The following TLN2 variants were observed in gnomAD, a reference collection of about 807,000 sequenced individuals.
TLN2 encodes the protein talin 2, also known as talin-2.
A neutral mutation model predicts 294.7 loss-of-function variants in TLN2; 118 were observed. That is an observed-to-expected ratio of 0.40 (90% CI 0.34 to 0.47). The LOEUF (loss-of-function observed/expected upper bound fraction) is 0.47. Ranked by LOEUF, TLN2 falls within the 20% of genes least tolerant of loss-of-function variation. The pLI is 0.84. For synonymous variants in TLN2, 1,431 were observed against 1,304.5 expected (o/e 1.10, Z -2.09); for missense variants, 3,083 against 3,282.2 (o/e 0.94, Z 1.48).
chr15:62,658,407 A>G (rs752630811), intron 9 of TLN2, among the ~76,000 whole-genome samples: 3 of 152,192 alleles, frequency 2.0e-5, no homozygotes, highest in African/African-American at 4.8e-5. Flanking sequence ...GGTGGAAAGT[A>G]GTTGGGACCA....
intron 1 of TLN2, chr15:62,453,652 T>C (rs1407449038): frequency 6.6e-6 from 1 of 152,198 alleles, no homozygotes; most frequent in African/African-American, 2.4e-5. Flanking sequence ...CAGTCAGCTG[T>C]CCTCGAATTT....
At chr15:62,668,018 A>G (rs567688392) in intron 9 of TLN2, among the ~76,000 whole-genome samples, 1 of 152,290 alleles carries the variant, frequency 6.6e-6, no homozygotes, top group East Asian at 1.9e-4. Flanking sequence ...GAACTCAAAT[A>G]CATAGAAACG....
intron 1 of TLN2, among the ~76,000 whole-genome samples, chr15:62,499,791 C>T (rs945200726): frequency 2.0e-5 from 3 of 152,018 alleles, no homozygotes; most frequent in Non-Finnish European, 2.9e-5. Flanking sequence ...TTAGTAGAGA[C>T]GGAGTTTCTC....
chr15:62,576,053 G>T (rs1398943573), intron 1 of TLN2, among the ~76,000 whole-genome samples: 1 of 152,114 alleles, frequency 6.6e-6, no homozygotes, highest in Admixed American at 6.5e-5. Context: ...GGGGTCTGTG[G>T]GGTGATTATG....
intron 9 of TLN2, among the ~76,000 whole-genome samples, chr15:62,663,510 TATCTACATAGATAA>T (rs1167878268): frequency 1.3e-5 from 2 of 151,832 alleles, no homozygotes; most frequent in African/African-American, 2.4e-5. Context: ...GTGATAGGAT[TATCTACATAGATAA>T]TCAGTCAGTC....
intron 9 of TLN2, among the ~76,000 whole-genome samples, chr15:62,661,805 CTGGAGCAGCTACAT>C (rs1314648368): frequency 6.6e-6 from 1 of 151,986 alleles, no homozygotes; most frequent in East Asian, 1.9e-4. Context: ...AATGTAGCTG[CTGGAGCAGCTACAT>C]TTGGTGTTAC....
intron 1 of TLN2, among the ~76,000 whole-genome samples, chr15:62,410,551 T>G (rs1368336829): frequency 1.3e-5 from 2 of 152,246 alleles, no homozygotes; most frequent in African/African-American, 4.8e-5. Flanking sequence ...GAAGCATGTA[T>G]TCCCTCAAGG....
intron 1 of TLN2, among the ~76,000 whole-genome samples, chr15:62,435,700 C>T (rs549838635): frequency 9.2e-5 from 14 of 152,256 alleles, no homozygotes; most frequent in African/African-American, 3.4e-4. Flanking sequence ...TACCACCTTG[C>T]CTGGCTAATT....
intron 1 of TLN2, among the ~76,000 whole-genome samples, chr15:62,429,396 A>G (rs1019329606): frequency 1.3e-5 from 2 of 152,124 alleles, no homozygotes; most frequent in Admixed American, 6.6e-5. Flanking sequence ...TGAAAAGCAC[A>G]TGTGTTAAGA....
Position 62,711,929 on chromosome 15 carries a change from C to T in TLN2, c.2486C>T (p.Ala829Val), listed in dbSNP as rs1361636682. The change falls in exon 22 of 59, where the codon GCG becomes GTG. Residue 829 changes from alanine to valine, a missense_variant. By Grantham distance (64) the Ala-to-Val change is moderately conservative. Coordinates refer to ENST00000636159, the MANE Select transcript of TLN2 (RefSeq NM_015059.3). ...MGDAGEMVRQARVLAQATSDL... is the reference protein window; with the variant it reads ...MGDAGEMVRQVRVLAQATSDL... ...CTTCTAGGTGAAATGGTGCGCCAGG[C>T]GCGGGTTCTGGCCCAAGCCACATCA... 1.2e-6 allele frequency: 2 copies of T among 1,608,828 alleles called. No homozygotes were observed. Among genetic ancestry groups the T allele is most frequent in the Non-Finnish European group, 1.7e-6 (2 of 1,175,866 alleles).
intron 1 of TLN2, among the ~76,000 whole-genome samples, chr15:62,458,825 G>C (rs2036632443): frequency 6.6e-6 from 1 of 151,920 alleles, no homozygotes; most frequent in Non-Finnish European, 1.5e-5. Flanking sequence ...GACTCTCCTT[G>C]CATGTCCCTG....
At chr15:62,838,746 T>C in intron 57 of TLN2, 110 bp from the exon 58 acceptor site, 1 of 1,410,176 alleles carries the variant, frequency 7.1e-7, no homozygotes, top group South Asian at 1.4e-5. Context: ...GATGTTATAA[T>C]TGGATAATCA....
At chr15:62,517,977 A>T (rs2140465374) in intron 1 of TLN2, among the ~76,000 whole-genome samples, 1 of 152,228 alleles carries the variant, frequency 6.6e-6, no homozygotes, top group Non-Finnish European at 1.5e-5. Context: ...GTTGTGTGGA[A>T]CGAGAGTAAA....
chr15:62,751,118 TA>T (rs2061915434), intron 34 of TLN2, among the ~76,000 whole-genome samples: 1 of 151,600 alleles, frequency 6.6e-6, no homozygotes. Flanking sequence ...AAAAAAAACA[TA>T]AAAGGCTCCT....
chr15:62,481,365 C>CTT (rs982249353), intron 1 of TLN2, among the ~76,000 whole-genome samples: 3 of 152,152 alleles, frequency 2.0e-5, no homozygotes, highest in Non-Finnish European at 4.4e-5. Context: ...CTTGTGACCC[C>CTT]TTGTGTGTGG....
At position 62,809,828 on chromosome 15, in the gene TLN2, G is replaced by A. The variant is rs184288387; in HGVS notation, c.6664-97G>A. On this transcript the variant is annotated intron_variant, in intron 51 of 58. Transcript: ENST00000636159. ...GTCCAGGGAGTCAGGGCAGTTTCTTGAGGTCACCAGGGTTAAGGTCTCTTG... is the reference window on the plus strand; with the variant it reads ...GTCCAGGGAGTCAGGGCAGTTTCTTAAGGTCACCAGGGTTAAGGTCTCTTG... The A allele has an allele frequency of 1.5e-4, 172 of 1,162,008 alleles. 3 individuals are homozygous for A. In the Admixed American group the frequency reaches 3.3e-3, roughly 22 times the overall value. 72.0% of individuals were successfully genotyped at this position (1,162,008 alleles called of 1,614,324 possible). A position where few individuals can be genotyped will look rare whatever the true frequency, so the allele number is the denominator to read the frequency against.
intron 1 of TLN2, among the ~76,000 whole-genome samples, chr15:62,446,567 T>G (rs910781234): frequency 3.3e-5 from 5 of 152,202 alleles, no homozygotes; most frequent in Non-Finnish European, 5.9e-5. Flanking sequence ...GGTTCTACTG[T>G]TGACTTTTTT....
intron 1 of TLN2, among the ~76,000 whole-genome samples, chr15:62,493,987 G>C (rs1347245229): frequency 6.6e-6 from 1 of 152,006 alleles, no homozygotes; most frequent in Non-Finnish European, 1.5e-5. Context: ...GTTTTTTTTA[G>C]ATCTGTCAAA....
At chr15:62,682,061 A>G (rs1415668576) in intron 11 of TLN2, among the ~76,000 whole-genome samples, 1 of 152,142 alleles carries the variant, frequency 6.6e-6, no homozygotes, top group African/African-American at 2.4e-5. Context: ...GGCCTGATAA[A>G]TTTTAGATGA....
Sources: allele counts gnomAD v4.1 joint callset (sites outside exome capture counted in the v4.1 genomes callset), GRCh38; gene constraint gnomAD v4.1.1; transcripts MANE v1.5; gene names NCBI Gene and HGNC (gene_info 2026-07-23, HGNC 2026-07-21).